LAT2: variants seen among roughly 807,000 people sequenced by gnomAD.
LAT2 encodes linker for activation of T-cells family member 2.
Under a neutral mutation model 43.4 loss-of-function variants are expected in LAT2, and 23 were observed. The observed-to-expected ratio is 0.53, with a 90% confidence interval of 0.38 to 0.75. The LOEUF (loss-of-function observed/expected upper bound fraction) is 0.75. Ranked by LOEUF, LAT2 falls within the 30% of genes least tolerant of loss-of-function variation. The probability of loss-of-function intolerance (pLI) is 0.00; values close to 1 mark genes in which losing one functional copy is unlikely to be tolerated. For synonymous variants in LAT2, 128 were observed against 123.2 expected (o/e 1.04, Z -0.26); for missense variants, 284 against 310.2 (o/e 0.92, Z 0.64).
At chr7:74,217,084 C>A (rs1012022393) in intron 4 of LAT2, among the ~76,000 whole-genome samples, 1 of 152,086 alleles carries the variant, frequency 6.6e-6, no homozygotes, top group East Asian at 1.9e-4. Context: ...GAGGCGGGGA[C>A]GCCTGGGCTG....
chr7:74,217,530 C>T (rs782668045), intron 4 of LAT2, among the ~76,000 whole-genome samples: 16 of 152,238 alleles, frequency 1.1e-4, no homozygotes, highest in Non-Finnish European at 2.1e-4. Context: ...AGTCCGCTCT[C>T]CCCTTGCAAT....
At position 74,224,774 on chromosome 7, in the gene LAT2, T is replaced by G; in HGVS notation, c.*18+14T>G. The G allele has an allele frequency of 6.6e-7, 1 of 1,504,084 alleles. No homozygotes were observed. Among genetic ancestry groups the G allele is most frequent in the Non-Finnish European group, 9.0e-7 (1 of 1,115,612 alleles). The allele number at this position is 1,504,084 out of a possible 1,614,324, so 93.2% of individuals were successfully genotyped here. A position where few individuals can be genotyped will look rare whatever the true frequency, so the allele number is the denominator to read the frequency against. On this transcript the variant is annotated intron_variant, in intron 13 of 13. Transcript: ENST00000460943. ...CCAAGAAGAAAGGTACAGCCCCTGC[T>G]CTCCAGCTGCCGTGGGCCAAGGATT...
intron 13 of LAT2, among the ~76,000 whole-genome samples, chr7:74,226,741 C>T (rs1431639435): frequency 1.3e-5 from 2 of 152,230 alleles, no homozygotes; most frequent in Non-Finnish European, 2.9e-5. Context: ...AACAGGGAAG[C>T]GGGGCAGGAA....
At chr7:74,218,863 A>AT (rs2116141538) in intron 4 of LAT2, among the ~76,000 whole-genome samples, 1 of 150,148 alleles carries the variant, frequency 6.7e-6, no homozygotes, top group East Asian at 2.0e-4. Context: ...TGCCCAGCTA[A>AT]TTTTTGTATT....
intron 13 of LAT2, 76 bp downstream of exon 13, chr7:74,224,836 G>C (rs1802427144): frequency 1.8e-6 from 2 of 1,122,226 alleles, no homozygotes; most frequent in Non-Finnish European, 2.5e-6. Flanking sequence ...CCAATCCAAG[G>C]GAACAGCCGA....
At chr7:74,216,789 C>A in intron 3 of LAT2, 36 bp from the exon 4 acceptor site, 2 of 1,609,392 alleles carry the variant, frequency 1.2e-6, no homozygotes, top group South Asian at 1.1e-5. Flanking sequence ...CGCAGCTGCT[C>A]CCAGACCCTT....
chr7:74,210,442 A>AC (rs1361262372), intron 1 of LAT2, among the ~76,000 whole-genome samples: 4 of 152,120 alleles, frequency 2.6e-5, no homozygotes, highest in African/African-American at 9.7e-5. Flanking sequence ...GTAACCCCCT[A>AC]CACAGGTCAG....
At position 74,223,722 on chromosome 7, in the gene LAT2, AGAT is replaced by A. The variant is rs1180742388; in HGVS notation, c.395_397del (p.Asp132del). 5 of 1,613,798 alleles carry A rather than the reference AGAT, an allele frequency of 3.1e-6. No individual in the cohort carries two copies. The highest frequency in any genetic ancestry group is 4.2e-6 in the Non-Finnish European group (5 of 1,179,930). ...CCGTGCCCACTCCTCTCTCTCCTGC[AGAT>A]GATGATGCCAATTCCTACGAGAATG... On this transcript the variant is annotated splice_acceptor_variant and coding_sequence_variant, in exon 11 of 14. Coordinates refer to ENST00000460943, the MANE Select transcript of LAT2 (RefSeq NM_032464.3). LOFTEE classifies it high-confidence loss of function.
chr7:74,210,335 C>T (rs1554712953), intron 1 of LAT2, among the ~76,000 whole-genome samples: 1 of 151,630 alleles, frequency 6.6e-6, no homozygotes, highest in Non-Finnish European at 1.5e-5. Flanking sequence ...AGGGTGGTCC[C>T]ATCATTGCCA....
chr7:74,218,243 G>A (rs1329974114), intron 4 of LAT2, among the ~76,000 whole-genome samples: 1 of 152,162 alleles, frequency 6.6e-6, no homozygotes, highest in African/African-American at 2.4e-5. Flanking sequence ...TGTGAGCACA[G>A]GCTCCGTTCC....
chr7:74,212,739 T>G (rs1554713331), intron 1 of LAT2, among the ~76,000 whole-genome samples: 1 of 152,168 alleles, frequency 6.6e-6, no homozygotes, highest in Non-Finnish European at 1.5e-5. Flanking sequence ...TTGGGGGCAC[T>G]GAGGCAAGGA....
intron 4 of LAT2, 73 bp from the exon 5 acceptor site, chr7:74,219,671 C>T: frequency 6.4e-7 from 1 of 1,573,190 alleles, no homozygotes; most frequent in Non-Finnish European, 8.7e-7. Flanking sequence ...CCTGCCTGTC[C>T]CTCCCTCCTG....
At chr7:74,227,566 T>C (rs961367909) in intron 13 of LAT2, among the ~76,000 whole-genome samples, 7 of 152,110 alleles carry the variant, frequency 4.6e-5, no homozygotes, top group Non-Finnish European at 1.0e-4. Flanking sequence ...TCTAATTCAA[T>C]TTTTCTGGCT....
chr7:74,211,555 ACATGCCATT>A, intron 1 of LAT2, among the ~76,000 whole-genome samples: 1 of 151,914 alleles, frequency 6.6e-6, no homozygotes, highest in East Asian at 2.0e-4. Context: ...CCTCCCGGGT[ACATGCCATT>A]CTCCTGCCTC....
chr7:74,224,527 G>T, intron 12 of LAT2, 112 bp from the exon 13 acceptor site: 1 of 879,238 alleles, frequency 1.1e-6, no homozygotes, highest in South Asian at 1.5e-5. Context: ...CCTGTCGGGC[G>T]TGGCATTTCC....
intron 1 of LAT2, among the ~76,000 whole-genome samples, chr7:74,214,094 A>G (rs1158770283): frequency 8.5e-6 from 1 of 118,290 alleles, no homozygotes; most frequent in African/African-American, 3.6e-5. Context: ...ATGAAAAAAT[A>G]TATATAAATA....
At chr7:74,211,454 T>A (rs538519762) in intron 1 of LAT2, among the ~76,000 whole-genome samples, 22 of 152,108 alleles carry the variant, frequency 1.4e-4, no homozygotes, top group African/African-American at 5.1e-4. Context: ...ATTTTTTATT[T>A]TTTATTTATT....
At chr7:74,215,608 G>T (rs1232481331) in intron 2 of LAT2, among the ~76,000 whole-genome samples, 2 of 152,164 alleles carry the variant, frequency 1.3e-5, no homozygotes, top group Non-Finnish European at 2.9e-5. Flanking sequence ...TCAGTTTCTC[G>T]ATTTGTGAAA....
intron 13 of LAT2, among the ~76,000 whole-genome samples, chr7:74,228,723 A>G (rs1584233593): frequency 6.6e-6 from 1 of 150,500 alleles, no homozygotes; most frequent in South Asian, 2.1e-4. Flanking sequence ...TGAGAGGCGG[A>G]GCTTGCAGTG....
Sources: allele counts gnomAD v4.1 joint callset (sites outside exome capture counted in the v4.1 genomes callset), GRCh38; gene constraint gnomAD v4.1.1; transcripts MANE v1.5; gene names NCBI Gene and HGNC (gene_info 2026-07-23, HGNC 2026-07-21).